Variants in NCKAP5 observed in about 807,000 individuals in gnomAD.
NCKAP5 encodes NCK associated protein 5, also known as nck-associated protein 5.
NCKAP5 carries 92 observed loss-of-function variants against 167.0 expected under a neutral mutation model. The observed-to-expected ratio is 0.55, with a 90% CI of 0.47 to 0.66. The LOEUF (loss-of-function observed/expected upper bound fraction) is 0.66, where lower values mean the gene tolerates loss of function less well. Among genes scored for constraint, NCKAP5 ranks in the 30% least tolerant of loss-of-function variants. NCKAP5 has a pLI of 0.00. For missense variants in NCKAP5, 2,378 were observed against 2,315.0 expected (o/e 1.03, Z -0.56); for synonymous variants, 891 against 877.4 (o/e 1.02, Z -0.27).
the NCKAP5 span, among the ~76,000 whole-genome samples, chr2:133,606,198 T>C: frequency 6.6e-6 from 1 of 152,132 alleles, no homozygotes; most frequent in Non-Finnish European, 1.5e-5. Flanking sequence ...GGTCTAGTAA[T>C]ATGCTCTATG....
intron 11 of NCKAP5, among the ~76,000 whole-genome samples, chr2:132,810,169 G>C (rs565940364): frequency 6.6e-6 from 1 of 152,276 alleles, no homozygotes; most frequent in East Asian, 1.9e-4. Flanking sequence ...AATCTTATAG[G>C]CTTTCCTTTC....
chr2:133,134,247 A>G (rs907929384), intron 5 of NCKAP5, among the ~76,000 whole-genome samples: 12 of 152,226 alleles, frequency 7.9e-5, no homozygotes, highest in Middle Eastern at 6.3e-3. Context: ...GTAACTTCTG[A>G]ACTGCATCCC....
rs1392706007 is a variant in NCKAP5, at chr2:133,380,967, TTAAC to T, written c.70-77861_70-77858del. On this transcript the variant is annotated intron_variant, in intron 3 of 19. Coordinates refer to ENST00000409261, the MANE Select transcript of NCKAP5 (RefSeq NM_207363.3). Reference sequence around the variant, plus strand: ...AAACAATGTTACCCACTGAACAAAATTAACTAGACATATATTGAACCCCCTCTTA... The same window carrying T: ...AAACAATGTTACCCACTGAACAAAATTAGACATATATTGAACCCCCTCTTA... Among the ~76,000 whole-genome samples the T allele has an allele frequency of 2.6e-5, 4 of 152,184 alleles. No homozygotes were observed. In the South Asian group the frequency reaches 8.3e-4, roughly 32 times the overall value.
At chr2:132,689,283 T>C (rs961547923) in intron 19 of NCKAP5, among the ~76,000 whole-genome samples, 4 of 152,180 alleles carry the variant, frequency 2.6e-5, no homozygotes, top group African/African-American at 9.7e-5. Context: ...TCAAGGGGAA[T>C]AGAACTGGTG....
At chr2:132,698,186 G>A (rs1414980566) in intron 19 of NCKAP5, among the ~76,000 whole-genome samples, 1 of 152,046 alleles carries the variant, frequency 6.6e-6, no homozygotes, top group Non-Finnish European at 1.5e-5. Flanking sequence ...CAAATCTGAT[G>A]GTTTTTTTGG....
At chr2:133,638,066 A>G in the NCKAP5 span, among the ~76,000 whole-genome samples, 1 of 152,222 alleles carries the variant, frequency 6.6e-6, no homozygotes, top group Non-Finnish European at 1.5e-5. Context: ...CCATGAGAAA[A>G]TAAACATAAC....
chr2:132,970,160 CACG>C (rs1159137936), intron 7 of NCKAP5, among the ~76,000 whole-genome samples: 1 of 152,098 alleles, frequency 6.6e-6, no homozygotes, highest in African/African-American at 2.4e-5. Context: ...CTCATAAAAA[CACG>C]ACAGTATTTT....
intron 3 of NCKAP5, among the ~76,000 whole-genome samples, chr2:133,476,021 A>T: frequency 6.6e-6 from 1 of 151,968 alleles, no homozygotes; most frequent in East Asian, 1.9e-4. Context: ...ACAAAGAAGA[A>T]GTCAAACCAG....
rs747843825 is a variant in NCKAP5 at position 132,790,054 on chromosome 2, G to C, written c.1061C>G (p.Thr354Arg). 30 of 1,612,968 alleles carry C rather than the reference G, an allele frequency of 1.9e-5. No homozygotes were observed. Among genetic ancestry groups the C allele is most frequent in the Non-Finnish European group, 2.4e-5 (28 of 1,179,488 alleles). ...CSEYSSGSSY[T>R]WHDGKNLRKR... ...CCTGAGGTTCTTCCCATCGTGCCACGTGTAGGAGGAGCCACTGGAGTACTC... is the reference window on the plus strand; with the variant it reads ...CCTGAGGTTCTTCCCATCGTGCCACCTGTAGGAGGAGCCACTGGAGTACTC... Residue 354 changes from threonine (T) to arginine (R), a missense_variant, in exon 13 of 20, where the codon ACG (threonine) becomes AGG (arginine). Physicochemically the swap from Thr to Arg is moderately conservative, Grantham distance 71. This residue lies in a region of NCKAP5 where 1,049 missense variants were observed against 1,023.4 expected (regional missense o/e 1.02). Coordinates refer to ENST00000409261, the MANE Select transcript of NCKAP5 (RefSeq NM_207363.3).
chr2:133,573,347 C>T (rs1305142677), upstream of NCKAP5, among the ~76,000 whole-genome samples: 4 of 152,200 alleles, frequency 2.6e-5, no homozygotes, highest in South Asian at 2.1e-4. Flanking sequence ...CCTCCTGGTC[C>T]CCTCAACACA....
chr2:132,838,901 T>C (rs1223353029), intron 11 of NCKAP5, among the ~76,000 whole-genome samples: 1 of 152,238 alleles, frequency 6.6e-6, no homozygotes, highest in Non-Finnish European at 1.5e-5. Flanking sequence ...CCTTGATTAT[T>C]GCTAATATAA....
At chr2:132,729,355 C>T (rs779802004) in intron 17 of NCKAP5, among the ~76,000 whole-genome samples, 5 of 152,164 alleles carry the variant, frequency 3.3e-5, no homozygotes, top group East Asian at 1.9e-4. Context: ...TGGGCATTAG[C>T]GTAGTTTCCG....
chr2:132,700,088 G>A (rs558658133), intron 19 of NCKAP5, among the ~76,000 whole-genome samples: 1 of 150,452 alleles, frequency 6.6e-6, no homozygotes, highest in Non-Finnish European at 1.5e-5. Context: ...CAATGATGAT[G>A]AGCATTTTTT....
At chr2:133,159,944 G>T (rs2083719217) in intron 5 of NCKAP5, among the ~76,000 whole-genome samples, 1 of 152,040 alleles carries the variant, frequency 6.6e-6, no homozygotes, top group Non-Finnish European at 1.5e-5. Flanking sequence ...AAAAGGAAGG[G>T]AACTGTTTGT....
chr2:133,003,574 C>T (rs2077859737), intron 6 of NCKAP5, among the ~76,000 whole-genome samples: 1 of 152,198 alleles, frequency 6.6e-6, no homozygotes, highest in African/African-American at 2.4e-5. Flanking sequence ...TCTGCTTATC[C>T]TCGCTGCAAT....
intron 5 of NCKAP5, among the ~76,000 whole-genome samples, chr2:133,209,674 G>C (rs1207621608): frequency 6.6e-6 from 1 of 151,720 alleles, no homozygotes; most frequent in Non-Finnish European, 1.5e-5. Context: ...ATCAGAAAAG[G>C]AACATTGCTA....
rs571385732 is a variant in NCKAP5 at position 133,071,396 on chromosome 2, G to C, written c.341+58582C>G. 1.3e-4 allele frequency among the ~76,000 whole-genome samples: 20 copies of C among 152,196 alleles called. No individual in the cohort carries two copies. The East Asian group carries it at 3.9e-3, about 29-fold the overall frequency. ...GGAGGCGGAGCTTGCAGTGAGCCGA[G>C]ATCCCGCCACTGCACTCCAGCCTGG... On this transcript the variant is annotated intron_variant, in intron 6 of 19. Transcript: ENST00000409261.
chr2:132,965,942 G>A lies in NCKAP5; in HGVS notation c.430-2073C>T, dbSNP rs186168783. Among the ~76,000 whole-genome samples, 215 of 151,080 alleles carry A rather than the reference G, an allele frequency of 1.4e-3. 1 individual carries two copies. The highest frequency in any genetic ancestry group is 4.7e-3 in the African/African-American group (195 of 41,120). On this transcript the variant is annotated intron_variant, in intron 7 of 19. Coordinates refer to ENST00000409261, the MANE Select transcript of NCKAP5 (RefSeq NM_207363.3). The stretch of plus-strand genomic sequence containing the variant: ...TGTGTGTGTGTGTGTGTGTGTGTGT[G>A]TATCTGTAGAAGTATCCTGTAATAA...
chr2:133,323,992 A>G (rs1020721568), intron 3 of NCKAP5, among the ~76,000 whole-genome samples: 10 of 152,320 alleles, frequency 6.6e-5, no homozygotes, highest in African/African-American at 2.4e-4. Flanking sequence ...TGTCCTAGCT[A>G]TGTGAGTTAG....
Sources: allele counts gnomAD v4.1 joint callset (sites outside exome capture counted in the v4.1 genomes callset), GRCh38; gene constraint gnomAD v4.1.1; regional missense constraint gnomAD v4.1.1; transcripts MANE v1.5; gene names NCBI Gene and HGNC (gene_info 2026-07-23, HGNC 2026-07-21).